Variants in CHMP1A observed in about 807,000 individuals in gnomAD.
CHMP1A encodes the protein VPS46 homolog A.
CHMP1A carries 17 observed loss-of-function variants against 27.0 expected under a neutral mutation model. The observed-to-expected ratio is 0.63, with a 90% CI of 0.43 to 0.95. The LOEUF (loss-of-function observed/expected upper bound fraction) is 0.95, where lower values mean the gene tolerates loss of function less well. Among genes scored for constraint, CHMP1A ranks in the 40% least tolerant of loss-of-function variants. The probability of loss-of-function intolerance (pLI) is 0.00; values close to 1 mark genes in which losing one functional copy is unlikely to be tolerated. For missense variants in CHMP1A, 275 were observed against 264.0 expected (o/e 1.04, Z -0.29); for synonymous variants, 131 against 107.5 (o/e 1.22, Z -1.35).
chr16:89,649,363 C>G lies in CHMP1A; in HGVS notation c.240G>C (p.Val80=). Residue 80 remains valine (V), a synonymous_variant, in exon 4 of 7, where the codon GTG becomes GTC. Transcript: ENST00000397901. Reference sequence around the variant, plus strand: ...GCCCAGCACTCACCCCCTTCATAGTCACAGCTGTCTGCACCTTGGAGGCCA... The same window carrying G: ...GCCCAGCACTCACCCCCTTCATAGTGACAGCTGTCTGCACCTTGGAGGCCA... ...DAVASKVQTA[V]TMKGVTKNMA... 2 of 1,612,562 alleles carry G rather than the reference C, an allele frequency of 1.2e-6. No homozygotes were observed. The highest frequency in any genetic ancestry group is 1.7e-6 in the Non-Finnish European group (2 of 1,178,910).
rs1597790117 is a variant in CHMP1A at position 89,652,170 on chromosome 16, C to A, written c.28-524G>T. ...CGGGGATCTAACTGCTCTGCCAGCA[C>A]CACACGGAAACAGGGCCTCTGGCAA... On this transcript the variant is annotated intron_variant, in intron 2 of 6. Transcript: ENST00000397901. 3.3e-5 allele frequency among the ~76,000 whole-genome samples: 5 copies of A among 152,236 alleles called. 1 individual carries two copies. In the South Asian group the frequency reaches 1.0e-3, roughly 32 times the overall value.
Position 89,648,391 on chromosome 16 carries a change from GC to G in CHMP1A, c.252+959del, listed in dbSNP as rs2059796056. 8.3e-5 allele frequency among the ~76,000 whole-genome samples: 10 copies of G among 119,928 alleles called. 5 individuals are homozygous for G. The highest frequency in any genetic ancestry group is 1.8e-4 in the Non-Finnish European group (10 of 55,248). 78.7% of individuals were successfully genotyped at this position (119,928 alleles called of 152,430 possible). A position where few individuals can be genotyped will look rare whatever the true frequency, so the allele number is the denominator to read the frequency against. ...CCAGCGCGGGGTCGGTGGAGAAAAGGCCGCCGACGTGGGGACCCAGCGCGGG... is the reference window on the plus strand; with the variant it reads ...CCAGCGCGGGGTCGGTGGAGAAAAGGCGCCGACGTGGGGACCCAGCGCGGG... On this transcript the variant is annotated intron_variant, in intron 4 of 6. Coordinates refer to ENST00000397901, the MANE Select transcript of CHMP1A (RefSeq NM_002768.5).
chr16:89,653,919 G>C lies in CHMP1A; in HGVS notation c.12C>G (p.Thr4=), dbSNP rs892185057. MDD[T]LFQLKFTAKQ... ...CGGTACATACCTTCAACTGGAACAG[G>C]GTATCTGCAAAGAAAGAGGGAATTA... The change falls in exon 2 of 7, where the codon ACC becomes ACG. Residue 4 remains threonine, a synonymous_variant. Transcript: ENST00000397901. The C allele has an allele frequency of 4.3e-6, 7 of 1,613,592 alleles. No homozygotes were observed. The highest frequency in any genetic ancestry group is 5.1e-6 in the Non-Finnish European group (6 of 1,179,666).
chr16:89,653,834 G>C (rs2059843544), intron 2 of CHMP1A, 70 bp downstream of exon 2: 1 of 1,482,740 alleles, frequency 6.7e-7, no homozygotes, highest in African/African-American at 1.4e-5. Flanking sequence ...CTGTGGCTCT[G>C]AGTGAGCGTG....
At position 89,654,461 on chromosome 16, in the gene CHMP1A, C is replaced by T. The variant is rs530801384; in HGVS notation, c.8-538G>A. Among the ~76,000 whole-genome samples, 7 of 152,134 alleles carry T rather than the reference C, an allele frequency of 4.6e-5. No homozygotes were observed. The East Asian group carries it at 1.4e-3, about 29-fold the overall frequency. On this transcript the variant is annotated intron_variant, in intron 1 of 6. Coordinates refer to ENST00000397901, the MANE Select transcript of CHMP1A (RefSeq NM_002768.5). ...GTTTACTTTTTACAGACTCTTTCTC[C>T]TCAAAGGTAAATGGATAAAAATAGC...
rs1311601280 is a variant in CHMP1A at position 89,646,081 on chromosome 16, G to A, written c.576C>T (p.Ala192=). The part of the protein sequence containing the change: ...SQEDQLSRRL[A]ALRN ...CGGGGCACGGCTAGTTCCTCAAGGCGGCCAACCTGGAAACCAACAACAGGA... is the reference window on the plus strand; with the variant it reads ...CGGGGCACGGCTAGTTCCTCAAGGCAGCCAACCTGGAAACCAACAACAGGA... The change falls in exon 7 of 7, where the codon GCC becomes GCT. Residue 192 remains alanine, a synonymous_variant. Coordinates refer to ENST00000397901, the MANE Select transcript of CHMP1A (RefSeq NM_002768.5). 7.1e-6 allele frequency: 11 copies of A among 1,543,968 alleles called. No homozygotes were observed. Among genetic ancestry groups the A allele is most frequent in the Admixed American group, 2.0e-5 (1 of 50,040 alleles).
At chr16:89,649,147 A>C in intron 4 of CHMP1A, 1 of 354,102 alleles carries the variant, frequency 2.8e-6, no homozygotes. Flanking sequence ...CCCCACGCTG[A>C]TCCAGCTTAA....
At position 89,646,734 on chromosome 16, in the gene CHMP1A, C is replaced by T. The variant is rs1481145901; in HGVS notation, c.382-20G>A. On this transcript the variant is annotated intron_variant, in intron 5 of 6. Transcript: ENST00000397901. Reference sequence around the variant, plus strand: ...CATCACCTGGGGGCAGGGGCATGCTCTGGACAACAGGTGGGGCCAGGCCCA... The same window carrying T: ...CATCACCTGGGGGCAGGGGCATGCTTTGGACAACAGGTGGGGCCAGGCCCA... 7 of 1,604,110 alleles carry T rather than the reference C, an allele frequency of 4.4e-6. No individual in the cohort carries two copies. Among genetic ancestry groups the T allele is most frequent in the Non-Finnish European group, 6.0e-6 (7 of 1,176,132 alleles).
chr16:89,647,353 G>A lies in CHMP1A; in HGVS notation c.253-22C>T, dbSNP rs1382518442. On this transcript the variant is annotated intron_variant, in intron 4 of 6. Coordinates refer to ENST00000397901, the MANE Select transcript of CHMP1A (RefSeq NM_002768.5). ...TCACCTGAGACAGGAGAGAGCGCAG[G>A]AGGGAACAGGATGAAAGGCAAGTGG... The A allele has an allele frequency of 1.9e-6, 3 of 1,597,776 alleles. No homozygotes were observed. In the East Asian group the frequency reaches 6.8e-5, roughly 36 times the overall value.
intron 1 of CHMP1A, among the ~76,000 whole-genome samples, chr16:89,657,028 C>A (rs1363544631): frequency 6.8e-6 from 1 of 146,492 alleles, no homozygotes; most frequent in African/African-American, 2.5e-5. Flanking sequence ...GGGATGGAGG[C>A]CCCGGGGAAG....
chr16:89,646,884 G>GCCCCCCCCCCCCCCCCCCCC, intron 5 of CHMP1A, 170 bp from the exon 6 acceptor site: 8 of 709,060 alleles, frequency 1.1e-5, no homozygotes, highest in Middle Eastern at 2.4e-4. Context: ...AGCCTTTCCT[G>GCCCCCCCCCCCCCCCCCCCC]CCCCCCCACC....
chr16:89,654,439 TAC>T (rs2059848335), intron 1 of CHMP1A, among the ~76,000 whole-genome samples: 1 of 152,004 alleles, frequency 6.6e-6, no homozygotes, highest in Non-Finnish European at 1.5e-5. Context: ...CTTGACAGTT[TAC>T]TTTTTACAGA....
At chr16:89,651,724 T>C (rs764911120) in intron 2 of CHMP1A, 78 bp from the exon 3 acceptor site, 28 of 1,404,608 alleles carry the variant, frequency 2.0e-5, no homozygotes, top group Non-Finnish European at 2.8e-5. Context: ...CCCCCACACC[T>C]GTGCCCACAC....
Position 89,644,587 on chromosome 16 carries a change from G to A in CHMP1A, c.*1479C>T, listed in dbSNP as rs1392376400. 6.6e-6 allele frequency: 1 copy of A among 152,398 alleles called. No individual in the cohort carries two copies. The highest frequency in any genetic ancestry group is 1.5e-5 in the Non-Finnish European group (1 of 68,204). The allele number at this position is 152,398 out of a possible 1,614,324, so 9.4% of individuals were successfully genotyped here. On this transcript the variant is annotated 3_prime_UTR_variant, in exon 7 of 7. Coordinates refer to ENST00000397901, the MANE Select transcript of CHMP1A (RefSeq NM_002768.5). ...CACCCTCCCCAAGGCTGTTACCCAC[G>A]ATGGACAGAAGGACGTTCTCTCAAC...
In CHMP1A at chr16:89,649,028, A is replaced by T. The variant is rs559426285; in HGVS notation, c.252+323T>A. 1.4e-4 allele frequency among the ~76,000 whole-genome samples: 22 copies of T among 151,866 alleles called. No individual in the cohort carries two copies. In the South Asian group the frequency reaches 4.6e-3, roughly 32 times the overall value. On this transcript the variant is annotated intron_variant, in intron 4 of 6. Coordinates refer to ENST00000397901, the MANE Select transcript of CHMP1A (RefSeq NM_002768.5). ...TGACAGAGCAAGACAGTCTCTAAAA[A>T]ATATATATTTAAAAAAAAAAAAGCC... is the stretch of plus-strand genomic sequence containing the variant.
chr16:89,649,957 C>G (rs1399004696), intron 3 of CHMP1A, among the ~76,000 whole-genome samples: 1 of 152,172 alleles, frequency 6.6e-6, no homozygotes, highest in Non-Finnish European at 1.5e-5. Flanking sequence ...AGGCCCCAGC[C>G]CAGCCCCCCA....
At chr16:89,649,185 A>C in intron 4 of CHMP1A, 166 bp downstream of exon 4, 18 of 239,256 alleles carry the variant, frequency 7.5e-5, no homozygotes, top group East Asian at 5.2e-4. Flanking sequence ...ACGCTGATCC[A>C]GCCCTCAACC....
Position 89,647,139 on chromosome 16 carries a change from C to T in CHMP1A, c.381+64G>A, listed in dbSNP as rs144931106. 8.9e-5 allele frequency: 140 copies of T among 1,579,298 alleles called. No homozygotes were observed. The East Asian group carries it at 2.4e-3, about 28-fold the overall frequency. ...ACGTCAGCCTGTGAGCCACCCCTCC[C>T]GATGAGCTGCCCACACACGCTCCTT... On this transcript the variant is annotated intron_variant, in intron 5 of 6. Coordinates refer to ENST00000397901, the MANE Select transcript of CHMP1A (RefSeq NM_002768.5).
In CHMP1A at chr16:89,649,423, C is replaced by T; in HGVS notation, c.180G>A (p.Val60=). 2 of 1,613,808 alleles carry T rather than the reference C, an allele frequency of 1.2e-6. No individual in the cohort carries two copies. The highest frequency in any genetic ancestry group is 1.7e-6 in the Non-Finnish European group (2 of 1,179,884). Residue 60 remains valine (V), a synonymous_variant, in exon 4 of 7, where the codon GTG becomes GTA. Transcript: ENST00000397901. Reference sequence around the variant, plus strand: ...CGCGGGACGCCATCCGAAGCCAGTTCACACCTTCGTTCTTCTTGCGGATGG... The same window carrying T: ...CGCGGGACGCCATCCGAAGCCAGTTTACACCTTCGTTCTTCTTGCGGATGG... ...ENAIRKKNEG[V]NWLRMASRVD...
Sources: allele counts gnomAD v4.1 joint callset (sites outside exome capture counted in the v4.1 genomes callset), GRCh38; gene constraint gnomAD v4.1.1; transcripts MANE v1.5; gene names NCBI Gene and HGNC (gene_info 2026-07-23, HGNC 2026-07-21).